The following NEO1 variants were observed in gnomAD, a reference collection of about 807,000 sequenced individuals.
The protein encoded by NEO1 is neogenin 1.
In NEO1, 63 loss-of-function variants were observed where a neutral mutation model predicts 159.7. That is an observed-to-expected ratio of 0.39 (90% confidence interval 0.32 to 0.49). The LOEUF (loss-of-function observed/expected upper bound fraction) is 0.49, where lower values mean the gene tolerates loss of function less well. NEO1 is among the 20% of genes least tolerant of loss of function. The pLI, the probability that NEO1 is intolerant of heterozygous loss-of-function variation, is 0.85. For missense variants in NEO1, 1,615 were observed against 1,831.0 expected (o/e 0.88, Z 2.15); for synonymous variants, 633 against 662.0 (o/e 0.96, Z 0.67).
chr15:73,147,597 C>T lies in NEO1; in HGVS notation c.1015+11570C>T, dbSNP rs569989411. Among the ~76,000 whole-genome samples, 94 of 152,194 alleles carry T rather than the reference C, an allele frequency of 6.2e-4. 1 individual carries two copies. Among genetic ancestry groups the T allele is most frequent in the Non-Finnish European group, 1.2e-3 (81 of 68,016 alleles). On this transcript the variant is annotated intron_variant, in intron 5 of 28. Transcript: ENST00000261908. The stretch of plus-strand genomic sequence containing the variant: ...TTAAAGAGCATAACAATTGATAATA[C>T]GAGGACAAAGTCATGTCCCTTCCAG...
intron 5 of NEO1, among the ~76,000 whole-genome samples, chr15:73,154,223 T>A (rs906684791): frequency 1.7e-4 from 26 of 151,824 alleles, no homozygotes; most frequent in Admixed American, 1.1e-3. Flanking sequence ...AAAAAAAAAA[T>A]TTGTAATAGT....
Position 73,265,103 on chromosome 15 carries a change from G to A in NEO1, c.2399-1213G>A, listed in dbSNP as rs985633908. 3.0e-4 allele frequency among the ~76,000 whole-genome samples: 46 copies of A among 152,174 alleles called. 1 individual carries two copies. Among genetic ancestry groups the A allele is most frequent in the African/African-American group, 1.0e-3 (43 of 41,444 alleles). ...AAGCGAGAAGGCCCTGTGTTGGAGAGAACACAGTGCTCAGTGAACTGATAA... is the reference window on the plus strand; with the variant it reads ...AAGCGAGAAGGCCCTGTGTTGGAGAAAACACAGTGCTCAGTGAACTGATAA... On this transcript the variant is annotated intron_variant, in intron 15 of 28. Coordinates refer to ENST00000261908, the MANE Select transcript of NEO1 (RefSeq NM_002499.4).
intron 5 of NEO1, 64 bp downstream of exon 5, chr15:73,136,091 A>G: frequency 7.0e-7 from 1 of 1,438,642 alleles, no homozygotes; most frequent in Non-Finnish European, 9.3e-7. Context: ...CTAATTTTTA[A>G]GAAATATTAA....
chr15:73,254,180 A>AC (rs1181216501), intron 12 of NEO1, among the ~76,000 whole-genome samples: 2 of 151,508 alleles, frequency 1.3e-5, no homozygotes, highest in African/African-American at 4.8e-5. Context: ...ACAGAGTGAG[A>AC]CCCCGACTCT....
chr15:73,122,417 T>C (rs2071722049), intron 2 of NEO1, 108 bp from the exon 3 acceptor site: 1 of 991,156 alleles, frequency 1.0e-6, no homozygotes, highest in Non-Finnish European at 1.5e-6. Flanking sequence ...CAACCCTGGT[T>C]CTGCCATATG....
Position 73,193,584 on chromosome 15 carries a change from C to T in NEO1, c.1291+15157C>T, listed in dbSNP as rs1474558364. Among the ~76,000 whole-genome samples, 6 of 148,024 alleles carry T rather than the reference C, an allele frequency of 4.1e-5. No individual in the cohort carries two copies. The East Asian group carries it at 9.8e-4, about 24-fold the overall frequency. Reference sequence around the variant, plus strand: ...AAGGTTGGTCAGATGTATCATTTTGCTAGGATGACCATACATCTAGTGTGC... The same window carrying T: ...AAGGTTGGTCAGATGTATCATTTTGTTAGGATGACCATACATCTAGTGTGC... On this transcript the variant is annotated intron_variant, in intron 7 of 28. Coordinates refer to ENST00000261908, the MANE Select transcript of NEO1 (RefSeq NM_002499.4).
At chr15:73,132,134 A>G (rs964892574) in intron 4 of NEO1, among the ~76,000 whole-genome samples, 3 of 152,290 alleles carry the variant, frequency 2.0e-5, no homozygotes, top group Non-Finnish European at 1.5e-5. Context: ...GCTCAGTGCT[A>G]TATCCCCAGC....
At chr15:73,057,018 A>AG (rs2067739264) in intron 1 of NEO1, among the ~76,000 whole-genome samples, 1 of 152,186 alleles carries the variant, frequency 6.6e-6, no homozygotes, top group Non-Finnish European at 1.5e-5. Flanking sequence ...ACATACATGA[A>AG]GGCAGAGGAT....
In NEO1 at chr15:73,168,798, G is replaced by A. The variant is rs764797752; in HGVS notation, c.1016-7605G>A. Reference sequence around the variant, plus strand: ...TTTGTTAGTTGAGTCAGTACCAATAGTACACTTGTGATTAGACTGTCAAAC... The same window carrying A: ...TTTGTTAGTTGAGTCAGTACCAATAATACACTTGTGATTAGACTGTCAAAC... On this transcript the variant is annotated intron_variant, in intron 5 of 28. Transcript: ENST00000261908. Among the ~76,000 whole-genome samples the A allele has an allele frequency of 1.3e-4, 20 of 151,876 alleles. 1 individual carries two copies. The highest frequency in any genetic ancestry group is 2.6e-4 in the Non-Finnish European group (18 of 67,980).
chr15:73,182,778 C>T (rs2035688676), intron 7 of NEO1, among the ~76,000 whole-genome samples: 1 of 151,928 alleles, frequency 6.6e-6, no homozygotes, highest in Non-Finnish European at 1.5e-5. Context: ...TTCCACAACA[C>T]GTGGGAATTA....
chr15:73,191,057 A>ATATGT (rs1246693660), intron 7 of NEO1, among the ~76,000 whole-genome samples: 3 of 152,054 alleles, frequency 2.0e-5, no homozygotes, highest in African/African-American at 7.2e-5. Flanking sequence ...ATTGAAATAG[A>ATATGT]TATGTTGTTT....
At chr15:73,209,032 A>T (rs1160718063) in intron 7 of NEO1, among the ~76,000 whole-genome samples, 1 of 152,224 alleles carries the variant, frequency 6.6e-6, no homozygotes. Flanking sequence ...TTGTGACAGG[A>T]TAAGTGGATG....
chr15:73,181,090 T>G (rs533948660), intron 7 of NEO1, among the ~76,000 whole-genome samples: 1 of 152,158 alleles, frequency 6.6e-6, no homozygotes, highest in East Asian at 1.9e-4. Flanking sequence ...AATTTTTTCA[T>G]GTAAGGTGTC....
chr15:73,215,664 A>T (rs1714533), intron 7 of NEO1, among the ~76,000 whole-genome samples: 148,916 of 152,338 alleles, frequency 0.98, 72,867 homozygotes, highest in East Asian at 1. Context: ...CTTTTTGATA[A>T]ATTGTTGGAT....
intron 7 of NEO1, among the ~76,000 whole-genome samples, chr15:73,234,663 G>A (rs560843645): frequency 6.6e-6 from 1 of 152,220 alleles, no homozygotes; most frequent in East Asian, 1.9e-4. Flanking sequence ...TGTACTTAAC[G>A]TCGGGGCTAA....
At chr15:73,272,419 T>C in intron 18 of NEO1, 36 bp from the exon 19 acceptor site, 1 of 1,505,098 alleles carries the variant, frequency 6.6e-7, no homozygotes, top group Non-Finnish European at 9.2e-7. Flanking sequence ...TAATTTGAAA[T>C]GGACAGAAAT....
Position 73,242,247 on chromosome 15 carries a change from A to G in NEO1, c.1452-2097A>G, listed in dbSNP as rs149312768. On this transcript the variant is annotated intron_variant, in intron 8 of 28. Transcript: ENST00000261908. ...GTTGACTCCCCAGAACTTAACCACT[A>G]GTAGCCTACTGTTGACTGGAAGCCT... is the stretch of plus-strand genomic sequence containing the variant. Among the ~76,000 whole-genome samples, 871 of 152,354 alleles carry G rather than the reference A, an allele frequency of 5.7e-3. 10 individuals are homozygous for G. The highest frequency in any genetic ancestry group is 8.3e-3 in the Admixed American group (127 of 15,306).
chr15:73,170,946 C>T (rs2034919751), intron 5 of NEO1, among the ~76,000 whole-genome samples: 2 of 150,290 alleles, frequency 1.3e-5, no homozygotes, highest in African/African-American at 4.9e-5. Flanking sequence ...GAGATAGACA[C>T]ACATGATGAA....
chr15:73,134,798 C>T (rs2031563836), intron 4 of NEO1, among the ~76,000 whole-genome samples: 1 of 151,994 alleles, frequency 6.6e-6, no homozygotes, highest in African/African-American at 2.4e-5. Context: ...CACCTGGGGT[C>T]AGGAGTTTGA....
Sources: gnomAD v4.1 joint callset for allele counts (sites outside exome capture counted in the v4.1 genomes callset) on GRCh38, gnomAD v4.1.1 for gene constraint, MANE v1.5 for transcripts, NCBI Gene and HGNC (gene_info 2026-07-23, HGNC 2026-07-21) for gene names.